The following SUGCT variants were observed in gnomAD, a reference collection of about 807,000 sequenced individuals.
The protein encoded by SUGCT is succinyl-CoA:glutarate-CoA transferase.
A neutral mutation model predicts 55.0 loss-of-function variants in SUGCT; 41 were observed. The ratio of observed to expected loss-of-function variants is 0.74; its 90% CI spans 0.58 to 0.97. The LOEUF is 0.97. Among genes scored for constraint, SUGCT ranks in the 50% least tolerant of loss-of-function variants. The probability of loss-of-function intolerance (pLI) is 0.00; values close to 1 mark genes in which losing one functional copy is unlikely to be tolerated. For missense variants in SUGCT, 568 were observed against 547.8 expected, an observed-to-expected ratio of 1.04 and a Z score of -0.37; for synonymous variants, 187 against 200.4, an observed-to-expected ratio of 0.93 and a Z score of 0.56.
At chr7:40,876,532 C>T in the SUGCT span, among the ~76,000 whole-genome samples, 2 of 152,098 alleles carry the variant, frequency 1.3e-5, no homozygotes, top group Non-Finnish European at 2.9e-5. Flanking sequence ...AAAGGGGATC[C>T]CATGTGTATA....
the SUGCT span, among the ~76,000 whole-genome samples, chr7:40,962,852 C>G: frequency 1.3e-5 from 2 of 152,142 alleles, no homozygotes; most frequent in African/African-American, 4.8e-5. Flanking sequence ...GGAAACTTTT[C>G]TACCCTAATC....
intron 11 of SUGCT, among the ~76,000 whole-genome samples, chr7:40,470,783 CTT>C (rs1790366364): frequency 6.6e-6 from 1 of 151,224 alleles, no homozygotes; most frequent in African/African-American, 2.4e-5. Flanking sequence ...CTCTCTCTGT[CTT>C]TCTCTCTCTG....
At chr7:40,372,597 A>G (rs924721520) in intron 9 of SUGCT, among the ~76,000 whole-genome samples, 2 of 152,020 alleles carry the variant, frequency 1.3e-5, no homozygotes, top group African/African-American at 4.8e-5. Context: ...TTTATTTTTC[A>G]ACTGAAAAAC....
At chr7:40,630,636 A>G (rs937044073) in intron 12 of SUGCT, among the ~76,000 whole-genome samples, 6 of 152,224 alleles carry the variant, frequency 3.9e-5, no homozygotes, top group Admixed American at 1.3e-4. Context: ...CAAAAACATG[A>G]AGTAACTTTT....
At chr7:40,265,855 G>A in intron 7 of SUGCT, among the ~76,000 whole-genome samples, 1 of 152,110 alleles carries the variant, frequency 6.6e-6, no homozygotes, top group Admixed American at 6.5e-5. Flanking sequence ...GGAGAATGAG[G>A]CAGGAGAATC....
chr7:40,807,841 A>G (rs1563017209), intron 13 of SUGCT, among the ~76,000 whole-genome samples: 1 of 152,238 alleles, frequency 6.6e-6, no homozygotes, highest in Non-Finnish European at 1.5e-5. Context: ...AAGCTGAAGA[A>G]CTTGGGAGTC....
chr7:40,946,017 C>T, the SUGCT span, among the ~76,000 whole-genome samples: 1 of 152,006 alleles, frequency 6.6e-6, no homozygotes, highest in Non-Finnish European at 1.5e-5. Flanking sequence ...TTTCAAATGC[C>T]AGCTGTAGTA....
intron 12 of SUGCT, among the ~76,000 whole-genome samples, chr7:40,577,018 G>A (rs1218847821): frequency 6.6e-6 from 1 of 152,176 alleles, no homozygotes; most frequent in Non-Finnish European, 1.5e-5. Context: ...CTGGAAACTT[G>A]TTAGACATAC....
chr7:40,444,562 C>G (rs1452461294), intron 9 of SUGCT, among the ~76,000 whole-genome samples: 1 of 152,016 alleles, frequency 6.6e-6, no homozygotes, highest in African/African-American at 2.4e-5. Flanking sequence ...GTAATTTTTG[C>G]ACATTGATTT....
At chr7:40,538,256 T>C (rs1794478337) in intron 12 of SUGCT, 1 of 152,222 alleles carries the variant, frequency 6.6e-6, no homozygotes, top group South Asian at 2.1e-4. Flanking sequence ...ATTCATCCCC[T>C]GAGCATTAAT....
chr7:40,823,025 C>T (rs941542300), intron 13 of SUGCT, among the ~76,000 whole-genome samples: 2 of 152,096 alleles, frequency 1.3e-5, no homozygotes, highest in African/African-American at 4.8e-5. Flanking sequence ...GAAAAAGCCA[C>T]AAGCATGCCT....
the SUGCT span, among the ~76,000 whole-genome samples, chr7:40,947,653 A>G: frequency 1.3e-5 from 2 of 152,076 alleles, no homozygotes; most frequent in Non-Finnish European, 2.9e-5. Flanking sequence ...TGTTGCTGAT[A>G]TTGTTTGTTT....
At position 40,706,973 on chromosome 7, in the gene SUGCT, C is replaced by T. The variant is rs550625612; in HGVS notation, c.1090-42461C>T. Among the ~76,000 whole-genome samples, 7 of 152,270 alleles carry T rather than the reference C, an allele frequency of 4.6e-5. No individual in the cohort carries two copies. The East Asian group carries it at 7.7e-4, about 17-fold the overall frequency. On this transcript the variant is annotated intron_variant, in intron 12 of 13. Coordinates refer to ENST00000335693, the MANE Select transcript of SUGCT (RefSeq NM_001193313.2). ...CAAAGATTGTGGTCATGACACAGTT[C>T]GGCTAAGTAGAGAACTACCCACCCT... is the stretch of plus-strand genomic sequence containing the variant.
intron 12 of SUGCT, among the ~76,000 whole-genome samples, chr7:40,714,891 C>T (rs2128676328): frequency 6.6e-6 from 1 of 152,300 alleles, no homozygotes; most frequent in South Asian, 2.1e-4. Flanking sequence ...GGCAATTAAT[C>T]AGTCTAAACT....
At chr7:40,992,650 A>C in the SUGCT span, among the ~76,000 whole-genome samples, 1 of 149,490 alleles carries the variant, frequency 6.7e-6, no homozygotes, top group Admixed American at 6.6e-5. Context: ...AAAATGGGCC[A>C]TAGGAGGTAT....
intron 7 of SUGCT, among the ~76,000 whole-genome samples, chr7:40,253,223 ATCCCTAAATAAGAG>A (rs1381663469): frequency 6.6e-6 from 1 of 152,206 alleles, no homozygotes; most frequent in Non-Finnish European, 1.5e-5. Flanking sequence ...ACCTATTAAC[ATCCCTAAATAAGAG>A]TATGTGGTCA....
At chr7:40,204,934 CAG>C (rs983605242) in intron 6 of SUGCT, among the ~76,000 whole-genome samples, 1 of 151,080 alleles carries the variant, frequency 6.6e-6, no homozygotes, top group Non-Finnish European at 1.5e-5. Context: ...ACCTGGGTGA[CAG>C]AGTGAGAACT....
chr7:40,611,065 C>G (rs568995333), intron 12 of SUGCT, among the ~76,000 whole-genome samples: 1 of 152,288 alleles, frequency 6.6e-6, no homozygotes, highest in South Asian at 2.1e-4. Context: ...CAGGCCTTGT[C>G]TGCCCACTGT....
chr7:40,140,639 T>C (rs547443971), intron 1 of SUGCT, among the ~76,000 whole-genome samples: 10 of 151,956 alleles, frequency 6.6e-5, no homozygotes, highest in Non-Finnish European at 1.2e-4. Context: ...GACCTCATGA[T>C]CCGCCTGTCT....
Sources: gnomAD v4.1 joint callset for allele counts (sites outside exome capture counted in the v4.1 genomes callset) on GRCh38, gnomAD v4.1.1 for gene constraint, MANE v1.5 for transcripts, NCBI Gene and HGNC (gene_info 2026-07-23, HGNC 2026-07-21) for gene names.